ERMP1: variants seen among roughly 807,000 people sequenced by gnomAD.
ERMP1 encodes Felix-ina.
A neutral mutation model predicts 92.0 loss-of-function variants in ERMP1; 86 were observed. The ratio of observed to expected loss-of-function variants is 0.93; its 90% CI spans 0.79 to 1.12. ERMP1 has a LOEUF of 1.12. ERMP1 is among the 50% of genes most tolerant of loss of function. The pLI, the probability that ERMP1 is intolerant of heterozygous loss-of-function variation, is 0.00. For missense variants in ERMP1, 1,342 were observed against 1,116.3 expected (o/e 1.20, Z -2.88); for synonymous variants, 530 against 412.8 (o/e 1.28, Z -3.44).
At chr9:5,856,764 G>A (rs1399668909) in intron 6 of ERMP1, among the ~76,000 whole-genome samples, 1 of 152,164 alleles carries the variant, frequency 6.6e-6, no homozygotes, top group Non-Finnish European at 1.5e-5. Context: ...CTTGTTTTAT[G>A]TGTGTTTCTG....
intron 4 of ERMP1, 86 bp downstream of exon 4, chr9:5,823,810 T>C (rs1231747252): frequency 3.4e-6 from 3 of 876,228 alleles, no homozygotes; most frequent in Admixed American, 2.2e-5. Flanking sequence ...AGACTGTTTA[T>C]TGAAGATATT....
At chr9:5,804,136 T>C (rs1828779561) in intron 10 of ERMP1, among the ~76,000 whole-genome samples, 1 of 152,112 alleles carries the variant, frequency 6.6e-6, no homozygotes. Context: ...AAAAGAACTA[T>C]AATAAAATCA....
chr9:5,859,710 C>G (rs1008415588), intron 5 of ERMP1, among the ~76,000 whole-genome samples: 2 of 152,176 alleles, frequency 1.3e-5, no homozygotes, highest in Non-Finnish European at 2.9e-5. Context: ...TTGTTTCTCA[C>G]CTTAATGAGG....
chr9:5,786,910 CAT>C lies in ERMP1; in HGVS notation c.*232_*233del, dbSNP rs1384929573. 23 of 387,418 alleles carry C rather than the reference CAT, an allele frequency of 5.9e-5. No homozygotes were observed. Among genetic ancestry groups the C allele is most frequent in the Non-Finnish European group, 9.3e-5 (20 of 214,048 alleles). 24.0% of individuals were successfully genotyped at this position (387,418 alleles called of 1,614,324 possible). On this transcript the variant is annotated 3_prime_UTR_variant, in exon 15 of 15. Coordinates refer to ENST00000339450, the MANE Select transcript of ERMP1 (RefSeq NM_024896.3). ...GACGTGTGTGTAGTGGCAGTACCCA[CAT>C]GTGCTGAAGTGCCAAAAGACTGGCA...
At chr9:5,803,757 C>T (rs1296644175) in intron 10 of ERMP1, among the ~76,000 whole-genome samples, 1 of 152,164 alleles carries the variant, frequency 6.6e-6, no homozygotes, top group Non-Finnish European at 1.5e-5. Flanking sequence ...GCAAACCCTA[C>T]AGGCAGCAAA....
intron 2 of ERMP1, among the ~76,000 whole-genome samples, chr9:5,829,123 G>A (rs1459669703): frequency 6.6e-6 from 1 of 150,484 alleles, no homozygotes; most frequent in East Asian, 2.0e-4. Context: ...GGCACAGTAG[G>A]AGAATCGCTT....
chr9:5,835,360 G>A (rs1025762273), upstream of ERMP1, among the ~76,000 whole-genome samples: 7 of 151,670 alleles, frequency 4.6e-5, no homozygotes, highest in African/African-American at 1.7e-4. Context: ...ACGCGCGCGC[G>A]CATGTGTGTG....
At chr9:5,817,990 G>C (rs944495669) in intron 4 of ERMP1, among the ~76,000 whole-genome samples, 5 of 152,152 alleles carry the variant, frequency 3.3e-5, no homozygotes, top group African/African-American at 9.7e-5. Context: ...GTGAAGTGGG[G>C]AGGCTAAAGC....
chr9:5,833,147 A>G (rs1830029278), upstream of ERMP1: 4 of 927,038 alleles, frequency 4.3e-6, no homozygotes, highest in Non-Finnish European at 6.0e-6. Context: ...CAGAGGGCCA[A>G]ACTTCTTCTG....
upstream of ERMP1, among the ~76,000 whole-genome samples, chr9:5,835,902 A>T (rs1374401032): frequency 6.6e-6 from 1 of 152,254 alleles, no homozygotes; most frequent in African/African-American, 2.4e-5. Context: ...AAAGTAGACC[A>T]CAGTGAATTG....
intron 13 of ERMP1, among the ~76,000 whole-genome samples, chr9:5,792,531 A>C (rs1351598504): frequency 6.6e-6 from 1 of 152,200 alleles, no homozygotes; most frequent in Non-Finnish European, 1.5e-5. Flanking sequence ...AACCAGTCTC[A>C]ACTTCTTTGA....
chr9:5,830,383 T>C (rs901133855), intron 2 of ERMP1, among the ~76,000 whole-genome samples: 1 of 152,088 alleles, frequency 6.6e-6, no homozygotes, highest in African/African-American at 2.4e-5. Context: ...CCCAGCTGAG[T>C]AAAACACTTT....
intron 13 of ERMP1, among the ~76,000 whole-genome samples, chr9:5,788,776 C>T (rs983915242): frequency 6.6e-6 from 1 of 151,876 alleles, no homozygotes; most frequent in African/African-American, 2.4e-5. Context: ...TCCATACAAA[C>T]ATTTGGGGAT....
chr9:5,794,160 T>C (rs1382167393), intron 13 of ERMP1, among the ~76,000 whole-genome samples: 2 of 152,044 alleles, frequency 1.3e-5, no homozygotes, highest in Non-Finnish European at 2.9e-5. Flanking sequence ...TCAAATCATT[T>C]GGAGATTAAA....
chr9:5,796,848 G>A (rs1426672112), intron 13 of ERMP1, among the ~76,000 whole-genome samples: 3 of 152,068 alleles, frequency 2.0e-5, no homozygotes, highest in Admixed American at 6.5e-5. Flanking sequence ...TACACAACAC[G>A]AAGAATGAAC....
chr9:5,832,763 G>A lies in ERMP1; in HGVS notation c.265C>T (p.Gln89Ter). The change falls in exon 1 of 15, where the codon CAG (glutamine) becomes TAG (stop). Residue 89 changes from glutamine to a stop codon, truncating the protein, a stop_gained. Transcript: ENST00000339450. LOFTEE classifies it high-confidence loss of function. ...LYLIALRTLV[Q>*]LSLQQLVLRG... ...AGCACGAGCTGCTGCAGCGAGAGCT[G>A]CACCAGCGTCCGCAGCGCGATCAGG... 2.0e-6 allele frequency: 3 copies of A among 1,499,810 alleles called. No homozygotes were observed. Among genetic ancestry groups the A allele is most frequent in the Non-Finnish European group, 2.6e-6 (3 of 1,132,948 alleles). 92.9% of individuals were successfully genotyped at this position (1,499,810 alleles called of 1,614,324 possible). A position where few individuals can be genotyped will look rare whatever the true frequency, so the allele number is the denominator to read the frequency against.
intron 5 of ERMP1, among the ~76,000 whole-genome samples, chr9:5,863,512 T>C (rs1439865096): frequency 1.3e-5 from 2 of 151,978 alleles, no homozygotes. Flanking sequence ...ATAATGAGGG[T>C]GTGTCCAGCT....
intron 7 of ERMP1, among the ~76,000 whole-genome samples, chr9:5,810,656 ATTAT>A (rs1287179769): frequency 6.6e-6 from 1 of 152,178 alleles, no homozygotes; most frequent in African/African-American, 2.4e-5. Context: ...TTGATAAAGA[ATTAT>A]TTAAACTGCT....
At position 5,811,333 on chromosome 9, in the gene ERMP1, A is replaced by C. The variant is rs1300162941; in HGVS notation, c.1115-10T>G. 3.8e-6 allele frequency: 6 copies of C among 1,572,230 alleles called. No homozygotes were observed. Among genetic ancestry groups the C allele is most frequent in the Non-Finnish European group, 5.2e-6 (6 of 1,161,548 alleles). On this transcript the variant is annotated splice_polypyrimidine_tract_variant and intron_variant, in intron 6 of 14. Transcript: ENST00000339450. ...GCTAAAATGTTGTCACCTATTAGTA[A>C]AAACAAAAAAAAAAAGAAAGAAAAG...
Sources: allele counts gnomAD v4.1 joint callset (sites outside exome capture counted in the v4.1 genomes callset), GRCh38; gene constraint gnomAD v4.1.1; transcripts MANE v1.5; gene names NCBI Gene and HGNC (gene_info 2026-07-23, HGNC 2026-07-21).